The following SI variants were observed in gnomAD, a reference collection of about 807,000 sequenced individuals.
SI encodes sucrase-isomaltase, intestinal.
A neutral mutation model predicts 253.3 loss-of-function variants in SI; 235 were observed. The ratio of observed to expected loss-of-function variants is 0.93; its 90% CI spans 0.83 to 1.03. The LOEUF is 1.03. Among genes scored for constraint, SI ranks in the 50% least tolerant of loss-of-function variants. The pLI is 0.00. For missense variants in SI, 2,442 were observed against 2,211.1 expected, an observed-to-expected ratio of 1.10 and a Z score of -2.09; for synonymous variants, 819 against 712.0, an observed-to-expected ratio of 1.15 and a Z score of -2.39.
chr3:165,009,155 G>A, intron 35 of SI, 124 bp downstream of exon 35: 2 of 689,996 alleles, frequency 2.9e-6, no homozygotes. Flanking sequence ...AGTTCTGTGG[G>A]GGAAAAAAGT....
In SI at chr3:165,016,100, T is replaced by G; in HGVS notation, c.3760-20A>C. 1 of 1,609,512 alleles carries G rather than the reference T, an allele frequency of 6.2e-7. No homozygotes were observed. The highest frequency in any genetic ancestry group is 8.5e-7 in the Non-Finnish European group (1 of 1,176,286). On this transcript the variant is annotated intron_variant, in intron 31 of 47. Transcript: ENST00000264382. ...AACATCCTGAAATATCCAAAAATTA[T>G]CAAAGTAGGGCAAAAAATACAAAAT...
intron 47 of SI, among the ~76,000 whole-genome samples, chr3:164,981,041 A>C (rs2108106089): frequency 6.6e-6 from 1 of 152,162 alleles, no homozygotes. Flanking sequence ...CACCCACATA[A>C]GACTACTGGA....
At chr3:165,049,416 C>T (rs1377452000) in intron 14 of SI, among the ~76,000 whole-genome samples, 172 bp from the exon 15 acceptor site, 1 of 152,000 alleles carries the variant, frequency 6.6e-6, no homozygotes, top group Non-Finnish European at 1.5e-5. Flanking sequence ...CAATTAGGTC[C>T]TCATCTTTCA....
chr3:165,021,440 A>G (rs878989784), intron 26 of SI, 57 bp from the exon 27 acceptor site: 1 of 1,309,382 alleles, frequency 7.6e-7, no homozygotes, highest in African/African-American at 1.5e-5. Flanking sequence ...GCATGTACAT[A>G]TCATGAACTA....
chr3:165,004,465 A>AGAT (rs1025202232), intron 37 of SI, among the ~76,000 whole-genome samples: 1 of 152,144 alleles, frequency 6.6e-6, no homozygotes, highest in Non-Finnish European at 1.5e-5. Context: ...TCCAAAAGAA[A>AGAT]GATATATCAA....
At chr3:164,990,947 T>C (rs1190163117) in intron 44 of SI, among the ~76,000 whole-genome samples, 1 of 152,090 alleles carries the variant, frequency 6.6e-6, no homozygotes, top group Non-Finnish European at 1.5e-5. Flanking sequence ...TTTTAAAAAT[T>C]CTTAATATTT....
chr3:164,988,625 G>A (rs1027074637), intron 44 of SI, among the ~76,000 whole-genome samples: 1 of 152,130 alleles, frequency 6.6e-6, no homozygotes, highest in Non-Finnish European at 1.5e-5. Flanking sequence ...TAGATTAGAA[G>A]ATTCTGTTCA....
At chr3:165,065,529 A>C in intron 6 of SI, 97 bp from the exon 7 acceptor site, 1 of 223,420 alleles carries the variant, frequency 4.5e-6, no homozygotes, top group Non-Finnish European at 7.7e-6. Context: ...TGTTAACATC[A>C]TCCAGAAGAT....
At chr3:165,006,779 A>G (rs7618643) in intron 37 of SI, 37 bp downstream of exon 37, 191,111 of 1,574,978 alleles carry the variant, frequency 0.12, 12,439 homozygotes, top group South Asian at 0.18. Flanking sequence ...ACCAAAGAAT[A>G]AAAGAGTCAG....
chr3:165,065,284 T>C lies in SI; in HGVS notation c.784A>G (p.Thr262Ala), dbSNP rs746307817. ...ACATCACCAGGAAGTTGGTCTCGAGTAAAAATTGGCCATGTTTTCCAGGAT... is the reference window on the plus strand; with the variant it reads ...ACATCACCAGGAAGTTGGTCTCGAGCAAAAATTGGCCATGTTTTCCAGGAT... ...DLSWKTWPIF[T>A]RDQLPGDNNN... The change falls in exon 7 of 48, where the codon ACT becomes GCT. Residue 262 changes from threonine to alanine, a missense_variant. Transcript: ENST00000264382. The C allele has an allele frequency of 6.2e-7, 1 of 1,606,234 alleles. No homozygotes were observed. The highest frequency in any genetic ancestry group is 1.7e-5 in the Admixed American group (1 of 59,634).
At chr3:165,065,180 A>C in intron 7 of SI, 81 bp downstream of exon 7, 1 of 905,218 alleles carries the variant, frequency 1.1e-6, no homozygotes, top group African/African-American at 1.7e-5. Context: ...AGTTAAAATA[A>C]ATGCTGTTTT....
chr3:165,023,691 A>C lies in SI; in HGVS notation c.2978T>G (p.Met993Arg). The C allele has an allele frequency of 6.2e-7, 1 of 1,610,816 alleles. No homozygotes were observed. Among genetic ancestry groups the C allele is most frequent in the Non-Finnish European group, 8.5e-7 (1 of 1,177,830 alleles). ...YSVNSARYSS[M>R]GITADLQLNT... Reference sequence around the variant, plus strand: ...TAGTTGGAGGTCAGCTGTTATACCCATGGATGAATAGCGAGCTGAGTTGAC... The same window carrying C: ...TAGTTGGAGGTCAGCTGTTATACCCCTGGATGAATAGCGAGCTGAGTTGAC... The change falls in exon 26 of 48, where the codon ATG becomes AGG. Residue 993 changes from methionine to arginine, a missense_variant. Met to Arg is a moderately conservative substitution (Grantham distance 91). Transcript: ENST00000264382.
chr3:165,049,105 C>G, intron 15 of SI, 22 bp downstream of exon 15: 1 of 1,232,092 alleles, frequency 8.1e-7, no homozygotes, highest in Non-Finnish European at 1.2e-6. Flanking sequence ...TGAAAGAAGT[C>G]TTTGAATGAA....
intron 21 of SI, 116 bp from the exon 22 acceptor site, chr3:165,036,593 C>T: frequency 1.6e-6 from 1 of 643,158 alleles, no homozygotes; most frequent in South Asian, 1.8e-5. Context: ...TCAGTAAGGA[C>T]ATTGACATCA....
At chr3:164,979,746 GTTAT>G (rs1207444161) in intron 47 of SI, among the ~76,000 whole-genome samples, 3 of 151,726 alleles carry the variant, frequency 2.0e-5, no homozygotes, top group Admixed American at 2.0e-4. Flanking sequence ...GAAATATGGA[GTTAT>G]TTATAACTGC....
intron 40 of SI, among the ~76,000 whole-genome samples, chr3:164,994,737 A>G (rs950062294): frequency 1.3e-5 from 2 of 151,678 alleles, no homozygotes; most frequent in South Asian, 4.1e-4. Flanking sequence ...TGTAGGAGAT[A>G]AATGAAATGA....
At position 165,060,264 on chromosome 3, in the gene SI, A is replaced by AATTAGAAAGTGTAGCAT. The variant is rs1264527909; in HGVS notation, c.1021-254_1021-238dup. On this transcript the variant is annotated intron_variant, in intron 9 of 47. Transcript: ENST00000264382. ...CTTCACGTTTTAGTTTGTGTTTAAAAATTAGAAAGTGTAGCATATCAGAAA... is the reference window on the plus strand; with the variant it reads ...CTTCACGTTTTAGTTTGTGTTTAAAAATTAGAAAGTGTAGCATATTAGAAAGTGTAGCATATCAGAAA... Among the ~76,000 whole-genome samples, 7 of 152,072 alleles carry AATTAGAAAGTGTAGCAT rather than the reference A, an allele frequency of 4.6e-5. No individual in the cohort carries two copies. In the East Asian group the frequency reaches 7.7e-4, roughly 17 times the overall value.
At chr3:165,087,518 TAAG>T in the SI span, among the ~76,000 whole-genome samples, 2 of 152,138 alleles carry the variant, frequency 1.3e-5, no homozygotes, top group African/African-American at 4.8e-5. Flanking sequence ...GCTTCAATCT[TAAG>T]GAGATTCTAT....
the SI span, among the ~76,000 whole-genome samples, chr3:165,086,245 ACTCCGT>A: frequency 6.6e-6 from 1 of 151,876 alleles, no homozygotes; most frequent in Non-Finnish European, 1.5e-5. Flanking sequence ...ACAAAGCAAG[ACTCCGT>A]CTCAAAAAAA....
Sources: gnomAD v4.1 joint callset for allele counts (sites outside exome capture counted in the v4.1 genomes callset) on GRCh38, gnomAD v4.1.1 for gene constraint, MANE v1.5 for transcripts, NCBI Gene and HGNC (gene_info 2026-07-23, HGNC 2026-07-21) for gene names.